MYO1E: variants seen among roughly 807,000 people sequenced by gnomAD.
MYO1E encodes the protein myosin IE.
Under a neutral mutation model 151.1 loss-of-function variants are expected in MYO1E, and 68 were observed. The ratio of observed to expected loss-of-function variants is 0.45; its 90% CI spans 0.37 to 0.55. The LOEUF is 0.55. Among genes scored for constraint, MYO1E ranks in the 20% least tolerant of loss-of-function variants. The pLI, the probability that MYO1E is intolerant of heterozygous loss-of-function variation, is 0.00. For missense variants in MYO1E, 1,363 were observed against 1,389.3 expected (o/e 0.98, Z 0.30); for synonymous variants, 601 against 501.7 (o/e 1.20, Z -2.64).
chr15:59,240,426 G>A (rs369368978), intron 4 of MYO1E, among the ~76,000 whole-genome samples: 15 of 151,964 alleles, frequency 9.9e-5, no homozygotes, highest in Admixed American at 3.3e-4. Flanking sequence ...GGAAACATAC[G>A]GTAAAATATC....
intron 18 of MYO1E, among the ~76,000 whole-genome samples, chr15:59,180,805 G>C (rs1596354735): frequency 6.6e-6 from 1 of 152,222 alleles, no homozygotes; most frequent in African/African-American, 2.4e-5. Flanking sequence ...AGGTTGCACA[G>C]GGCAATGGTG....
chr15:59,349,876 A>G (rs1189035406), intron 1 of MYO1E, among the ~76,000 whole-genome samples: 2 of 152,210 alleles, frequency 1.3e-5, no homozygotes, highest in Non-Finnish European at 2.9e-5. Flanking sequence ...GAGAGAAATG[A>G]TATCATTTCC....
At chr15:59,252,083 T>C (rs532123790) in intron 4 of MYO1E, among the ~76,000 whole-genome samples, 39 of 152,290 alleles carry the variant, frequency 2.6e-4, no homozygotes, top group Non-Finnish European at 4.3e-4. Flanking sequence ...ATAAATGGGA[T>C]ACAAAAATTA....
intron 22 of MYO1E, among the ~76,000 whole-genome samples, chr15:59,169,202 C>T (rs116657283): frequency 0.013 from 2,025 of 152,266 alleles, 56 homozygotes; most frequent in African/African-American, 0.047. Context: ...AACTAGGAGG[C>T]CATATGTTGA....
At chr15:59,255,315 G>A (rs1436632840) in intron 4 of MYO1E, among the ~76,000 whole-genome samples, 5 of 151,728 alleles carry the variant, frequency 3.3e-5, no homozygotes, top group Non-Finnish European at 7.4e-5. Context: ...ATGGGGTTTC[G>A]CCATGTTGCC....
intron 26 of MYO1E, among the ~76,000 whole-genome samples, chr15:59,152,319 A>T (rs1435450632): frequency 6.6e-6 from 1 of 152,184 alleles, no homozygotes; most frequent in Non-Finnish European, 1.5e-5. Flanking sequence ...GCACAGGTCT[A>T]TTTTGCATTC....
At chr15:59,140,887 AC>A (rs1355095199) in intron 26 of MYO1E, among the ~76,000 whole-genome samples, 1 of 151,130 alleles carries the variant, frequency 6.6e-6, no homozygotes, top group African/African-American at 2.4e-5. Context: ...CACCACCACC[AC>A]CCCCCTGCAC....
intron 1 of MYO1E, among the ~76,000 whole-genome samples, chr15:59,335,736 A>C (rs2140425652): frequency 6.6e-6 from 1 of 152,234 alleles, no homozygotes; most frequent in African/African-American, 2.4e-5. Context: ...TTTATTTACC[A>C]ATTAACTTAG....
Position 59,256,265 on chromosome 15 carries a change from A to C in MYO1E, c.332+19T>G, listed in dbSNP as rs780262527. 5 of 1,554,806 alleles carry C rather than the reference A, an allele frequency of 3.2e-6. No individual in the cohort carries two copies. In the South Asian group the frequency reaches 5.6e-5, roughly 17 times the overall value. ...AGTCTCATATCTTCCACGCCCACTG[A>C]TAAGGATCTTCTTCATACCTGATAA... On this transcript the variant is annotated intron_variant, in intron 4 of 27. Coordinates refer to ENST00000288235, the MANE Select transcript of MYO1E (RefSeq NM_004998.4).
At chr15:59,310,161 G>A (rs1161379262) in intron 1 of MYO1E, among the ~76,000 whole-genome samples, 3 of 152,132 alleles carry the variant, frequency 2.0e-5, no homozygotes, top group Non-Finnish European at 4.4e-5. Context: ...GGTCCAGGCA[G>A]CTTCCTAGCG....
At chr15:59,301,368 C>G (rs1457727529) in intron 1 of MYO1E, among the ~76,000 whole-genome samples, 2 of 152,208 alleles carry the variant, frequency 1.3e-5, no homozygotes, top group African/African-American at 4.8e-5. Context: ...TTTCCCTTCT[C>G]TTTTCCTCAG....
intron 8 of MYO1E, 35 bp downstream of exon 8, chr15:59,224,654 G>C (rs774934438): frequency 1.2e-6 from 2 of 1,613,886 alleles, no homozygotes; most frequent in Non-Finnish European, 1.7e-6. Context: ...CCAGTTGGGA[G>C]AGCAGATCCT....
chr15:59,214,125 A>T lies in MYO1E; in HGVS notation c.1275+103T>A. ...GACTTTATTAGATGCATTTCCTAAT[A>T]TAAGACTGGAACCGAAATCTATTAA... On this transcript the variant is annotated intron_variant, in intron 12 of 27. Transcript: ENST00000288235. 9.7e-6 allele frequency: 9 copies of T among 928,506 alleles called. No individual in the cohort carries two copies. The Admixed American group carries it at 2.3e-4, about 24-fold the overall frequency. 57.5% of individuals were successfully genotyped at this position (928,506 alleles called of 1,614,324 possible). A position where few individuals can be genotyped will look rare whatever the true frequency, so the allele number is the denominator to read the frequency against.
In MYO1E at chr15:59,136,753, C is replaced by T; in HGVS notation, c.*627G>A. On this transcript the variant is annotated 3_prime_UTR_variant, in exon 28 of 28. Coordinates refer to ENST00000288235, the MANE Select transcript of MYO1E (RefSeq NM_004998.4). ...CCCAGAGAAAGCAAAGCCAGCAGCC[C>T]AGCCCCCAGCCCCCAGCCCCTGACC... is the stretch of plus-strand genomic sequence containing the variant. 2.2e-6 allele frequency: 1 copy of T among 456,276 alleles called. No individual in the cohort carries two copies. Among genetic ancestry groups the T allele is most frequent in the South Asian group, 1.6e-5 (1 of 64,416 alleles). 28.3% of individuals were successfully genotyped at this position (456,276 alleles called of 1,614,324 possible).
rs115693599 is a variant in MYO1E at position 59,138,949 on chromosome 15, A to T, written c.3081-582T>A. On this transcript the variant is annotated intron_variant, in intron 26 of 27. Coordinates refer to ENST00000288235, the MANE Select transcript of MYO1E (RefSeq NM_004998.4). Reference sequence around the variant, plus strand: ...AACAACTGGATGACGTGCCCTGCTGATGCCTGCAGCTATCGTTCCTTCACC... The same window carrying T: ...AACAACTGGATGACGTGCCCTGCTGTTGCCTGCAGCTATCGTTCCTTCACC... Among the ~76,000 whole-genome samples the T allele has an allele frequency of 9.2e-3, 1,404 of 152,232 alleles. 25 individuals carry two copies. Among genetic ancestry groups the T allele is most frequent in the African/African-American group, 0.032 (1,326 of 41,510 alleles).
chr15:59,282,248 T>C (rs2080357067), intron 1 of MYO1E, among the ~76,000 whole-genome samples: 1 of 152,208 alleles, frequency 6.6e-6, no homozygotes. Context: ...TTCTCACAAG[T>C]AGAACCTACC....
chr15:59,284,783 T>G lies in MYO1E; in HGVS notation c.4-12334A>C, dbSNP rs2080377665. On this transcript the variant is annotated intron_variant, in intron 1 of 27. Transcript: ENST00000288235. ...AGCCACCGTGCCCAGCCTGGATGAT[T>G]AACTTTTTAAACAGAATAACAGGCA... Among the ~76,000 whole-genome samples the G allele has an allele frequency of 2.0e-5, 3 of 152,098 alleles. No individual in the cohort carries two copies. The South Asian group carries it at 6.2e-4, about 31-fold the overall frequency.
intron 17 of MYO1E, among the ~76,000 whole-genome samples, chr15:59,190,822 G>T (rs2079728379): frequency 6.6e-6 from 1 of 152,228 alleles, no homozygotes; most frequent in African/African-American, 2.4e-5. Flanking sequence ...ACCAGGATAG[G>T]AGAATAGAGA....
chr15:59,227,367 T>C, intron 7 of MYO1E, 92 bp downstream of exon 7: 1 of 1,508,330 alleles, frequency 6.6e-7, no homozygotes, highest in African/African-American at 1.4e-5. Flanking sequence ...CCTCCCTGGC[T>C]TCCTAGACTA....
Sources: allele counts gnomAD v4.1 joint callset (sites outside exome capture counted in the v4.1 genomes callset), GRCh38; gene constraint gnomAD v4.1.1; transcripts MANE v1.5; gene names NCBI Gene and HGNC (gene_info 2026-07-23, HGNC 2026-07-21).